Variants in TMEM98 observed in about 807,000 individuals in gnomAD.
TMEM98 encodes transmembrane protein 98.
In TMEM98, 18 loss-of-function variants were observed where a neutral mutation model predicts 25.0. That is an observed-to-expected ratio of 0.72 (90% CI 0.50 to 1.07). The LOEUF (loss-of-function observed/expected upper bound fraction) is 1.07, where lower values mean the gene tolerates loss of function less well. Among genes scored for constraint, TMEM98 ranks in the 50% least tolerant of loss-of-function variants. The probability of loss-of-function intolerance (pLI) is 0.00; values close to 1 mark genes in which losing one functional copy is unlikely to be tolerated. For synonymous variants in TMEM98, 103 were observed against 112.4 expected, an observed-to-expected ratio of 0.92 and a Z score of 0.53; for missense variants, 241 against 289.0, an observed-to-expected ratio of 0.83 and a Z score of 1.20.
intron 6 of TMEM98, among the ~76,000 whole-genome samples, chr17:32,937,864 T>C (rs889447117): frequency 6.6e-6 from 1 of 152,162 alleles, no homozygotes; most frequent in African/African-American, 2.4e-5. Context: ...GTGCTGGGAT[T>C]ATAGGTGTGA....
intron 6 of TMEM98, among the ~76,000 whole-genome samples, chr17:32,937,204 C>T (rs575448090): frequency 1.3e-5 from 2 of 152,342 alleles, no homozygotes; most frequent in East Asian, 1.9e-4. Context: ...CGGGAGGGCA[C>T]CTCTGTATGC....
chr17:32,929,757 A>T (rs1053000308), intron 1 of TMEM98, among the ~76,000 whole-genome samples: 1 of 152,100 alleles, frequency 6.6e-6, no homozygotes, highest in Non-Finnish European at 1.5e-5. Context: ...GCATGTCCCA[A>T]CCTTGTCTAC....
At chr17:32,933,447 A>G in intron 4 of TMEM98, 142 bp downstream of exon 4, 2 of 1,191,746 alleles carry the variant, frequency 1.7e-6, no homozygotes, top group Non-Finnish European at 2.4e-6. Flanking sequence ...AGTGTGGGGG[A>G]AAATCAGAAT....
chr17:32,943,861 C>T lies in TMEM98; in HGVS notation c.*2868C>T, dbSNP rs2052361366. 6.6e-6 allele frequency: 1 copy of T among 152,232 alleles called. No individual in the cohort carries two copies. Among genetic ancestry groups the T allele is most frequent in the Non-Finnish European group, 1.5e-5 (1 of 68,090 alleles). 9.4% of individuals were successfully genotyped at this position (152,232 alleles called of 1,614,324 possible). On this transcript the variant is annotated 3_prime_UTR_variant, in exon 8 of 8. Transcript: ENST00000579849. ...ACCCAGATGGCGTCACCTCAGTTACCATGGCTTGGTCCAAGCAGTGACTTC... is the reference window on the plus strand; with the variant it reads ...ACCCAGATGGCGTCACCTCAGTTACTATGGCTTGGTCCAAGCAGTGACTTC...
chr17:32,931,296 A>G (rs1242721850), intron 1 of TMEM98, 31 bp from the exon 2 acceptor site: 1 of 445,250 alleles, frequency 2.2e-6, no homozygotes, highest in Middle Eastern at 5.8e-4. Flanking sequence ...AATTTGGGGC[A>G]TGGCATAAAT....
At chr17:32,939,046 T>C (rs1037739439) in intron 6 of TMEM98, among the ~76,000 whole-genome samples, 2 of 151,982 alleles carry the variant, frequency 1.3e-5, no homozygotes, top group Non-Finnish European at 2.9e-5. Context: ...GCAGAAGCAA[T>C]TGGAGAAAGA....
At chr17:32,934,646 G>T (rs2091486872) in intron 5 of TMEM98, among the ~76,000 whole-genome samples, 1 of 152,202 alleles carries the variant, frequency 6.6e-6, no homozygotes, top group African/African-American at 2.4e-5. Flanking sequence ...GCTGCCAAGA[G>T]AAATGGGGTT....
At chr17:32,938,942 A>G (rs1276869770) in intron 6 of TMEM98, among the ~76,000 whole-genome samples, 3 of 152,348 alleles carry the variant, frequency 2.0e-5, no homozygotes, top group Non-Finnish European at 4.4e-5. Flanking sequence ...CTGTATTTTA[A>G]AAAACCATTG....
Position 32,942,302 on chromosome 17 carries a change from A to G in TMEM98, c.*1309A>G, listed in dbSNP as rs28918. 0.79 allele frequency: 119,962 copies of G among 152,234 alleles called. 48,124 individuals are homozygous for G. Among genetic ancestry groups the G allele is most frequent in the African/African-American group, 0.91 (37,800 of 41,570 alleles). 9.4% of individuals were successfully genotyped at this position (152,234 alleles called of 1,614,324 possible). On this transcript the variant is annotated 3_prime_UTR_variant, in exon 8 of 8. Transcript: ENST00000579849. ...TCATAAGCCTGTAGGAAAAGCTTGA[A>G]TTCTTCACTTCTCAGATTCTCAGAG...
intron 6 of TMEM98, 43 bp downstream of exon 6, chr17:32,936,490 AAG>A (rs771769007): frequency 1.5e-5 from 24 of 1,552,570 alleles, no homozygotes; most frequent in African/African-American, 5.4e-5. Flanking sequence ...TCCCTGAGGG[AAG>A]AGAGGGGCTG....
At chr17:32,931,728 G>T in intron 3 of TMEM98, 69 bp downstream of exon 3, 1 of 1,540,848 alleles carries the variant, frequency 6.5e-7, no homozygotes, top group Non-Finnish European at 8.7e-7. Context: ...GGAACACGTA[G>T]TTCAGTGTTG....
At chr17:32,936,574 C>A in intron 6 of TMEM98, 127 bp downstream of exon 6, 1 of 773,914 alleles carries the variant, frequency 1.3e-6, no homozygotes, top group Non-Finnish European at 2.1e-6. Flanking sequence ...ATTTGTTTCC[C>A]ACACATTTAC....
In TMEM98 at chr17:32,941,356, C is replaced by G. The variant is rs1010742109; in HGVS notation, c.*363C>G. On this transcript the variant is annotated 3_prime_UTR_variant, in exon 8 of 8. Coordinates refer to ENST00000579849, the MANE Select transcript of TMEM98 (RefSeq NM_015544.3). ...TAAAATTAGAATTTCTGGCCTCTCT[C>G]GATCGGTCAGAATGTGTGGCAATTC... The G allele has an allele frequency of 1.7e-5, 3 of 175,914 alleles. No homozygotes were observed. The highest frequency in any genetic ancestry group is 3.6e-5 in the Non-Finnish European group (3 of 82,240). 10.9% of individuals were successfully genotyped at this position (175,914 alleles called of 1,614,324 possible).
intron 3 of TMEM98, among the ~76,000 whole-genome samples, chr17:32,932,263 G>T (rs1313650834): frequency 6.6e-6 from 1 of 151,980 alleles, no homozygotes; most frequent in Non-Finnish European, 1.5e-5. Context: ...ACCACGCCCA[G>T]CTAATTTTTG....
At chr17:32,935,186 T>C (rs1233545640) in intron 5 of TMEM98, among the ~76,000 whole-genome samples, 1 of 152,224 alleles carries the variant, frequency 6.6e-6, no homozygotes, top group Non-Finnish European at 1.5e-5. Context: ...TCTCAGGGGA[T>C]GGATAAATGC....
chr17:32,928,885 AAC>A (rs549704651), intron 1 of TMEM98, among the ~76,000 whole-genome samples: 61 of 145,340 alleles, frequency 4.2e-4, no homozygotes, highest in Middle Eastern at 6.8e-3. Context: ...CACACTCAGA[AAC>A]ACACGCACTC....
chr17:32,931,571 A>G lies in TMEM98; in HGVS notation c.43A>G (p.Ile15Val), dbSNP rs11558978. The G allele has an allele frequency of 2.5e-6, 4 of 1,605,282 alleles. No individual in the cohort carries two copies. The Admixed American group carries it at 6.8e-5, about 27-fold the overall frequency. The change falls in exon 3 of 8, where the codon ATC becomes GTC. Residue 15 changes from isoleucine (I) to valine (V), a missense_variant. By Grantham distance (29) the Ile-to-Val change is conservative (BLOSUM62 3). Coordinates refer to ENST00000579849, the MANE Select transcript of TMEM98 (RefSeq NM_015544.3). ...TGTTGCCATAGGTGTGCTGGCCACCATCTTTCTGGCTTCGTTTGCAGCCTT... is the reference window on the plus strand; with the variant it reads ...TGTTGCCATAGGTGTGCTGGCCACCGTCTTTCTGGCTTCGTTTGCAGCCTT... Reference protein sequence around the residue: ...VIVAIGVLATIFLASFAALVL... With the variant: ...VIVAIGVLATVFLASFAALVL...
chr17:32,930,294 G>A (rs540830932), intron 1 of TMEM98, among the ~76,000 whole-genome samples: 3 of 152,272 alleles, frequency 2.0e-5, no homozygotes, highest in African/African-American at 7.2e-5. Context: ...GAAAGACCCC[G>A]TTCTTCAGTT....
chr17:32,940,214 A>G (rs1394102145), intron 7 of TMEM98, among the ~76,000 whole-genome samples: 3 of 152,232 alleles, frequency 2.0e-5, no homozygotes, highest in Admixed American at 6.5e-5. Context: ...TCTCAAATGC[A>G]TCATGGTACT....
Sources: gnomAD v4.1 joint callset for allele counts (sites outside exome capture counted in the v4.1 genomes callset) on GRCh38, gnomAD v4.1.1 for gene constraint, MANE v1.5 for transcripts, NCBI Gene and HGNC (gene_info 2026-07-23, HGNC 2026-07-21) for gene names.